Variants in DCC observed in about 807,000 individuals in gnomAD.
DCC encodes DCC netrin 1 receptor, also known as netrin receptor DCC.
A neutral mutation model predicts 172.5 loss-of-function variants in DCC; 58 were observed. The observed-to-expected ratio is 0.34, with a 90% CI of 0.27 to 0.42. The LOEUF (loss-of-function observed/expected upper bound fraction) is 0.42. DCC is among the 10% of genes least tolerant of loss of function. The pLI is 1.00. For synonymous variants in DCC, 709 were observed against 644.5 expected, an observed-to-expected ratio of 1.10 and a Z score of -1.52; for missense variants, 1,740 against 1,791.0, an observed-to-expected ratio of 0.97 and a Z score of 0.51.
chr18:52,666,059 C>A (rs1359997067), intron 1 of DCC, among the ~76,000 whole-genome samples: 3 of 152,116 alleles, frequency 2.0e-5, no homozygotes, highest in Non-Finnish European at 2.9e-5. Context: ...GAGACCTAGG[C>A]AGGCAGATCA....
chr18:52,752,713 A>G (rs1449962960), intron 2 of DCC, among the ~76,000 whole-genome samples: 1 of 151,984 alleles, frequency 6.6e-6, no homozygotes, highest in Non-Finnish European at 1.5e-5. Context: ...TCTCACTGAA[A>G]CCTTGTGCCC....
At chr18:52,758,344 G>T (rs1599080432) in intron 2 of DCC, among the ~76,000 whole-genome samples, 2 of 151,978 alleles carry the variant, frequency 1.3e-5, no homozygotes, top group African/African-American at 4.8e-5. Context: ...TAAAAATCAA[G>T]AAAATAAAAG....
chr18:52,772,342 G>A (rs1381475964), intron 2 of DCC, among the ~76,000 whole-genome samples: 1 of 152,122 alleles, frequency 6.6e-6, no homozygotes, highest in African/African-American at 2.4e-5. Context: ...TGTATTGTGG[G>A]GCACCAGCAA....
intron 1 of DCC, among the ~76,000 whole-genome samples, chr18:52,721,398 C>T (rs977971728): frequency 2.6e-5 from 4 of 152,088 alleles, no homozygotes; most frequent in Non-Finnish European, 4.4e-5. Flanking sequence ...TTTGACTGTG[C>T]CTAACAGGAC....
intron 2 of DCC, among the ~76,000 whole-genome samples, chr18:52,876,282 CT>C (rs2039401890): frequency 6.6e-6 from 1 of 152,116 alleles, no homozygotes; most frequent in Non-Finnish European, 1.5e-5. Flanking sequence ...CTCTTGGTAG[CT>C]TTTTCCAGAT....
At chr18:52,930,401 T>C (rs192621505) in intron 5 of DCC, among the ~76,000 whole-genome samples, 15 of 152,252 alleles carry the variant, frequency 9.9e-5, no homozygotes, top group African/African-American at 3.4e-4. Flanking sequence ...TAGTCCATCC[T>C]GGGGAACATA....
chr18:53,249,682 A>G (rs1169451539), intron 12 of DCC, among the ~76,000 whole-genome samples: 1 of 152,008 alleles, frequency 6.6e-6, no homozygotes, highest in African/African-American at 2.4e-5. Flanking sequence ...GCGTAACAGT[A>G]GAAAGAAATG....
At chr18:53,280,389 A>C (rs2144726731) in intron 12 of DCC, among the ~76,000 whole-genome samples, 1 of 152,160 alleles carries the variant, frequency 6.6e-6, no homozygotes, top group Admixed American at 6.6e-5. Context: ...ATATTGAAAA[A>C]CCAAAATGTC....
In DCC at chr18:53,147,263, C is replaced by T. The variant is rs187217128; in HGVS notation, c.1262-10093C>T. ...GCTGTGGTTGCAAGTACATGCTCAC[C>T]GTCCTCCTTCTCAGAAAGAGGACTA... On this transcript the variant is annotated intron_variant, in intron 7 of 28. Coordinates refer to ENST00000442544, the MANE Select transcript of DCC (RefSeq NM_005215.4). 1.3e-3 allele frequency among the ~76,000 whole-genome samples: 191 copies of T among 152,192 alleles called. 2 individuals are homozygous for T. Among genetic ancestry groups the T allele is most frequent in the African/African-American group, 4.3e-3 (177 of 41,518 alleles).
At chr18:52,383,807 C>G (rs1007722111) in intron 1 of DCC, among the ~76,000 whole-genome samples, 2 of 152,040 alleles carry the variant, frequency 1.3e-5, no homozygotes, top group African/African-American at 4.8e-5. Flanking sequence ...ACCTCATCCT[C>G]CAAATCAGTC....
chr18:53,253,381 G>A (rs1598949677), intron 12 of DCC, among the ~76,000 whole-genome samples: 1 of 151,946 alleles, frequency 6.6e-6, no homozygotes, highest in Non-Finnish European at 1.5e-5. Flanking sequence ...TCTCCATTTT[G>A]CAGATGAGGA....
intron 1 of DCC, among the ~76,000 whole-genome samples, chr18:52,606,590 C>T (rs1363199932): frequency 2.0e-5 from 3 of 152,172 alleles, no homozygotes; most frequent in Middle Eastern, 3.4e-3. Context: ...ATAAAGATCG[C>T]TATGAACTAG....
intron 9 of DCC, among the ~76,000 whole-genome samples, chr18:53,197,423 T>TG (rs1490263203): frequency 1.3e-5 from 2 of 149,550 alleles, no homozygotes; most frequent in Admixed American, 6.7e-5. Flanking sequence ...ATTTTAGTTT[T>TG]TTTTTTTTTT....
intron 2 of DCC, among the ~76,000 whole-genome samples, chr18:52,803,171 C>T (rs955434916): frequency 1.3e-5 from 2 of 152,134 alleles, no homozygotes; most frequent in African/African-American, 2.4e-5. Flanking sequence ...AGTGGCACTT[C>T]GTATGGGTCC....
Position 52,751,630 on chromosome 18 carries a change from T to A in DCC, c.92-424T>A, listed in dbSNP as rs1354704296. Among the ~76,000 whole-genome samples, 4 of 152,206 alleles carry A rather than the reference T, an allele frequency of 2.6e-5. No individual in the cohort carries two copies. In the East Asian group the frequency reaches 7.7e-4, roughly 29 times the overall value. Reference sequence around the variant, plus strand: ...TGTATCAGATTGGATTTTTTAAAAATTTCAATGGATGCCATAATCAGAATG... The same window carrying A: ...TGTATCAGATTGGATTTTTTAAAAAATTCAATGGATGCCATAATCAGAATG... On this transcript the variant is annotated intron_variant, in intron 1 of 28. Transcript: ENST00000442544.
At chr18:52,735,783 C>T (rs12458395) in intron 1 of DCC, among the ~76,000 whole-genome samples, 40,782 of 151,884 alleles carry the variant, frequency 0.27, 5,641 homozygotes, top group Admixed American at 0.33. Flanking sequence ...TCTCAGTCTA[C>T]TGACTCAAAT....
At chr18:52,863,933 A>T (rs1477028210) in intron 2 of DCC, among the ~76,000 whole-genome samples, 1 of 152,128 alleles carries the variant, frequency 6.6e-6, no homozygotes, top group East Asian at 1.9e-4. Context: ...AACAATATTA[A>T]ACTAGTATTA....
intron 1 of DCC, among the ~76,000 whole-genome samples, chr18:52,718,833 A>T (rs560913301): frequency 6.6e-6 from 1 of 152,320 alleles, no homozygotes; most frequent in East Asian, 1.9e-4. Context: ...TGTGAAGGCA[A>T]GTCCTAAAGG....
At chr18:53,403,845 T>C (rs1324926298) in intron 19 of DCC, among the ~76,000 whole-genome samples, 1 of 152,206 alleles carries the variant, frequency 6.6e-6, no homozygotes, top group Admixed American at 6.5e-5. Flanking sequence ...ACTTTCTGAA[T>C]TTTGCAAAAT....
Sources: allele counts gnomAD v4.1 joint callset (sites outside exome capture counted in the v4.1 genomes callset), GRCh38; gene constraint gnomAD v4.1.1; transcripts MANE v1.5; gene names NCBI Gene and HGNC (gene_info 2026-07-23, HGNC 2026-07-21).